Variants in BMP5 observed in about 807,000 individuals in gnomAD.
The protein encoded by BMP5 is bone morphogenetic protein 5.
BMP5 carries 23 observed loss-of-function variants against 46.6 expected under a neutral mutation model. That is an observed-to-expected ratio of 0.49 (90% CI 0.35 to 0.70). The LOEUF is 0.70. Ranked by LOEUF, BMP5 falls within the 30% of genes least tolerant of loss-of-function variation. BMP5 has a pLI of 0.00. For synonymous variants in BMP5, 204 were observed against 191.9 expected, an observed-to-expected ratio of 1.06 and a Z score of -0.52; for missense variants, 545 against 565.6, an observed-to-expected ratio of 0.96 and a Z score of 0.37.
intron 1 of BMP5, among the ~76,000 whole-genome samples, chr6:55,821,988 T>A (rs1250985251): frequency 6.6e-6 from 1 of 152,238 alleles, no homozygotes; most frequent in African/African-American, 2.4e-5. Context: ...AGCATTTATA[T>A]GCCAGACTAT....
At chr6:55,825,029 A>G (rs1337602084) in intron 1 of BMP5, among the ~76,000 whole-genome samples, 1 of 151,926 alleles carries the variant, frequency 6.6e-6, no homozygotes. Context: ...AAATTATTCC[A>G]TTCAAATAAG....
At chr6:55,804,025 A>G (rs1775923641) in intron 2 of BMP5, among the ~76,000 whole-genome samples, 1 of 152,222 alleles carries the variant, frequency 6.6e-6, no homozygotes, top group South Asian at 2.1e-4. Flanking sequence ...TCAAATCCCT[A>G]TAATAAATAT....
chr6:55,809,311 T>C (rs1030405796), intron 2 of BMP5, among the ~76,000 whole-genome samples: 1 of 152,174 alleles, frequency 6.6e-6, no homozygotes, highest in African/African-American at 2.4e-5. Flanking sequence ...ATCCAACTCA[T>C]TATAGTCAGA....
At chr6:55,812,029 G>A (rs1167449078) in intron 2 of BMP5, among the ~76,000 whole-genome samples, 3 of 152,210 alleles carry the variant, frequency 2.0e-5, no homozygotes, top group South Asian at 2.1e-4. Flanking sequence ...CATGGTAGAC[G>A]CTCAACAAAA....
intron 3 of BMP5, among the ~76,000 whole-genome samples, chr6:55,787,118 C>G (rs1463217473): frequency 6.6e-6 from 1 of 151,560 alleles, no homozygotes; most frequent in African/African-American, 2.4e-5. Context: ...GATTACCCAG[C>G]CATATAGATC....
intron 3 of BMP5, among the ~76,000 whole-genome samples, chr6:55,781,043 C>T (rs58284917): frequency 0.022 from 3,340 of 152,136 alleles, 127 homozygotes; most frequent in African/African-American, 0.077. Context: ...GAATCTCACG[C>T]TAGGGATTGT....
chr6:55,782,178 A>G (rs1028988523), intron 3 of BMP5, among the ~76,000 whole-genome samples: 3 of 152,164 alleles, frequency 2.0e-5, no homozygotes, highest in African/African-American at 7.2e-5. Context: ...GATGGATATG[A>G]TAATCACTTT....
rs1311137431 is a variant in BMP5 at position 55,859,804 on chromosome 6, T to C, written c.490+14572A>G. 4.6e-5 allele frequency among the ~76,000 whole-genome samples: 7 copies of C among 152,350 alleles called. No individual in the cohort carries two copies. The East Asian group carries it at 5.8e-4, about 13-fold the overall frequency. On this transcript the variant is annotated intron_variant, in intron 1 of 6. Coordinates refer to ENST00000370830, the MANE Select transcript of BMP5 (RefSeq NM_021073.4). ...TCCATAAAGGAAAGTTTCTTCCAAA[T>C]ACCAATGATCAATCATGTTAAACAC...
chr6:55,865,445 A>G, intron 1 of BMP5: 1 of 501,618 alleles, frequency 2.0e-6, no homozygotes, highest in Non-Finnish European at 4.0e-6. Context: ...AGCTAATCAC[A>G]GAAAATGTTG....
At chr6:55,788,359 G>GTAAT in intron 3 of BMP5, among the ~76,000 whole-genome samples, 1 of 151,708 alleles carries the variant, frequency 6.6e-6, no homozygotes, top group African/African-American at 2.4e-5. Context: ...TTTCTTATTA[G>GTAAT]TAATTATTTT....
At chr6:55,762,511 A>T (rs1774812154) in intron 4 of BMP5, among the ~76,000 whole-genome samples, 1 of 152,200 alleles carries the variant, frequency 6.6e-6, no homozygotes, top group Non-Finnish European at 1.5e-5. Flanking sequence ...CAGATTAAAT[A>T]AGTAGATAAT....
chr6:55,871,901 A>G (rs906016422), intron 1 of BMP5, among the ~76,000 whole-genome samples: 2 of 151,832 alleles, frequency 1.3e-5, no homozygotes, highest in African/African-American at 4.8e-5. Context: ...ATTTGTACTT[A>G]GTCTCAACTA....
At chr6:55,786,474 G>GA (rs2127526071) in intron 3 of BMP5, among the ~76,000 whole-genome samples, 1 of 151,462 alleles carries the variant, frequency 6.6e-6, no homozygotes, top group East Asian at 1.9e-4. Flanking sequence ...CATTATTCAG[G>GA]CTTTTTTTTT....
chr6:55,836,046 A>G (rs1776786347), intron 1 of BMP5, among the ~76,000 whole-genome samples: 1 of 152,168 alleles, frequency 6.6e-6, no homozygotes, highest in Admixed American at 6.6e-5. Context: ...GTTTATTTAA[A>G]TGTAGGCTAC....
intron 4 of BMP5, among the ~76,000 whole-genome samples, chr6:55,762,666 G>A (rs746657858): frequency 1.3e-5 from 2 of 151,978 alleles, no homozygotes; most frequent in African/African-American, 2.4e-5. Flanking sequence ...TTCCTCGATC[G>A]TGTTTAGAAA....
At chr6:55,792,288 C>CT (rs1295512791) in intron 3 of BMP5, among the ~76,000 whole-genome samples, 1 of 152,176 alleles carries the variant, frequency 6.6e-6, no homozygotes, top group Non-Finnish European at 1.5e-5. Context: ...AATCCCAGCA[C>CT]TTTGGAAGGC....
At chr6:55,804,070 C>A (rs1298087817) in intron 2 of BMP5, among the ~76,000 whole-genome samples, 3 of 152,146 alleles carry the variant, frequency 2.0e-5, no homozygotes, top group Non-Finnish European at 2.9e-5. Flanking sequence ...TTTTATTTTT[C>A]TTATCAATCA....
intron 2 of BMP5, among the ~76,000 whole-genome samples, chr6:55,800,246 G>A (rs1775812433): frequency 6.6e-6 from 1 of 152,148 alleles, no homozygotes; most frequent in African/African-American, 2.4e-5. Flanking sequence ...AGATGCATGA[G>A]ACAAGTTTGA....
chr6:55,794,859 A>G (rs1775667611), intron 2 of BMP5, among the ~76,000 whole-genome samples: 1 of 152,160 alleles, frequency 6.6e-6, no homozygotes, highest in Non-Finnish European at 1.5e-5. Flanking sequence ...ATGTAATGCA[A>G]TCATCTGTTT....
Sources: allele counts gnomAD v4.1 joint callset (sites outside exome capture counted in the v4.1 genomes callset), GRCh38; gene constraint gnomAD v4.1.1; transcripts MANE v1.5; gene names NCBI Gene and HGNC (gene_info 2026-07-23, HGNC 2026-07-21).